Variants in PPP1R12B observed in about 807,000 individuals in gnomAD.
PPP1R12B encodes protein phosphatase 1 regulatory subunit 12B, also known as myosin phosphatase target subunit 2.
Under a neutral mutation model 126.1 loss-of-function variants are expected in PPP1R12B, and 76 were observed. The observed-to-expected ratio is 0.60, with a 90% CI of 0.50 to 0.73. PPP1R12B has a LOEUF of 0.73. PPP1R12B is among the 30% of genes least tolerant of loss of function. The pLI, the probability that PPP1R12B is intolerant of heterozygous loss-of-function variation, is 0.00. For synonymous variants in PPP1R12B, 356 were observed against 434.7 expected (o/e 0.82, Z 2.25); for missense variants, 1,052 against 1,205.1 (o/e 0.87, Z 1.88).
rs1203605064 is a variant in PPP1R12B at position 202,363,779 on chromosome 1, G to C, written c.291+14637G>C. Among the ~76,000 whole-genome samples the C allele has an allele frequency of 4.4e-4, 67 of 152,144 alleles. 1 individual carries two copies. The highest frequency in any genetic ancestry group is 4.4e-3 in the Admixed American group (67 of 15,256). On this transcript the variant is annotated intron_variant, in intron 1 of 23. Coordinates refer to ENST00000608999, the MANE Select transcript of PPP1R12B (RefSeq NM_002481.4). ...TTATTTTATTCTATTTATTTATTTA[G>C]AGACAGAGTCTCCTGTTTGTTGCCC...
intron 1 of PPP1R12B, among the ~76,000 whole-genome samples, chr1:202,376,324 G>A (rs1046708979): frequency 3.3e-5 from 5 of 152,136 alleles, no homozygotes; most frequent in Non-Finnish European, 5.9e-5. Flanking sequence ...TAGAAGGAGA[G>A]CATAAACCAG....
intron 13 of PPP1R12B, among the ~76,000 whole-genome samples, chr1:202,467,557 T>G (rs1349159720): frequency 6.6e-6 from 1 of 152,200 alleles, no homozygotes; most frequent in East Asian, 1.9e-4. Flanking sequence ...CATGAACTCA[T>G]CCTTTTTATG....
intron 19 of PPP1R12B, among the ~76,000 whole-genome samples, chr1:202,562,108 T>C (rs1349077976): frequency 2.0e-5 from 3 of 152,200 alleles, no homozygotes; most frequent in African/African-American, 7.2e-5. Flanking sequence ...CTTCCCTTAA[T>C]GAACTTACCA....
At chr1:202,498,319 T>G (rs1679818956) in intron 18 of PPP1R12B, among the ~76,000 whole-genome samples, 2 of 152,234 alleles carry the variant, frequency 1.3e-5, no homozygotes. Flanking sequence ...GTGTTTACCA[T>G]GTGTCAGGAA....
At chr1:202,362,529 G>A (rs1036082300) in intron 1 of PPP1R12B, among the ~76,000 whole-genome samples, 1 of 152,128 alleles carries the variant, frequency 6.6e-6, no homozygotes, top group African/African-American at 2.4e-5. Context: ...GTGCTTAACA[G>A]GTATTTTTTA....
intron 1 of PPP1R12B, among the ~76,000 whole-genome samples, chr1:202,359,198 G>A (rs1657680504): frequency 6.6e-6 from 1 of 151,718 alleles, no homozygotes. Flanking sequence ...AGGCTGGAGT[G>A]CAGTGGTGCG....
At chr1:202,409,131 G>A (rs1431417488) in intron 1 of PPP1R12B, among the ~76,000 whole-genome samples, 6 of 151,832 alleles carry the variant, frequency 4.0e-5, no homozygotes, top group Non-Finnish European at 7.4e-5. Context: ...GAGCCATTAC[G>A]ACCAGCATCA....
At chr1:202,487,809 T>TGTTGGTCAG (rs1678351696) in intron 13 of PPP1R12B, among the ~76,000 whole-genome samples, 2 of 152,138 alleles carry the variant, frequency 1.3e-5, no homozygotes, top group Admixed American at 1.3e-4. Flanking sequence ...GGTTCCAGCA[T>TGTTGGTCAG]GTTGGTCAGG....
intron 18 of PPP1R12B, among the ~76,000 whole-genome samples, chr1:202,499,360 T>C (rs932718217): frequency 6.6e-6 from 1 of 152,128 alleles, no homozygotes; most frequent in African/African-American, 2.4e-5. Flanking sequence ...GCTCAAGTGA[T>C]CCTACTACCT....
At chr1:202,433,442 C>T (rs572597879) in intron 8 of PPP1R12B, among the ~76,000 whole-genome samples, 94 of 152,274 alleles carry the variant, frequency 6.2e-4, no homozygotes, top group African/African-American at 2.0e-3. Context: ...CTGTTTAAAC[C>T]TATGACCACC....
At chr1:202,572,844 G>A (rs1225899084) in intron 23 of PPP1R12B, among the ~76,000 whole-genome samples, 1 of 152,042 alleles carries the variant, frequency 6.6e-6, no homozygotes, top group African/African-American at 2.4e-5. Flanking sequence ...CCCATCCTGC[G>A]CTGGGCCCTG....
chr1:202,493,019 G>C (rs1435635467), intron 14 of PPP1R12B, 95 bp from the exon 15 acceptor site: 3 of 1,329,862 alleles, frequency 2.3e-6, no homozygotes, highest in Admixed American at 2.1e-5. Flanking sequence ...TTTGGGATTT[G>C]ATAACTATTA....
intron 1 of PPP1R12B, among the ~76,000 whole-genome samples, chr1:202,397,370 A>G (rs1665140911): frequency 6.6e-6 from 1 of 152,130 alleles, no homozygotes; most frequent in African/African-American, 2.4e-5. Flanking sequence ...TGGTTATACC[A>G]CCTTTACTCA....
At chr1:202,433,799 G>A (rs1206697451) in intron 8 of PPP1R12B, among the ~76,000 whole-genome samples, 1 of 152,100 alleles carries the variant, frequency 6.6e-6, no homozygotes, top group Non-Finnish European at 1.5e-5. Flanking sequence ...TCTACCCCAC[G>A]ACTGTTCTCT....
chr1:202,430,923 C>T (rs1670112785), intron 7 of PPP1R12B, 113 bp downstream of exon 7: 2 of 1,407,278 alleles, frequency 1.4e-6, no homozygotes, highest in South Asian at 3.4e-5. Flanking sequence ...GCCGAGTGAT[C>T]TATAAACTTG....
At chr1:202,427,236 T>C (rs748242609) in intron 5 of PPP1R12B, 52 bp downstream of exon 5, 18 of 1,605,354 alleles carry the variant, frequency 1.1e-5, no homozygotes, top group Non-Finnish European at 1.4e-5. Context: ...GCTGGGTCTC[T>C]AGAATAAAAG....
Position 202,431,635 on chromosome 1 carries a change from T to G in PPP1R12B, c.1141+16T>G. 1.9e-6 allele frequency: 3 copies of G among 1,598,158 alleles called. No homozygotes were observed. Among genetic ancestry groups the G allele is most frequent in the Non-Finnish European group, 2.6e-6 (3 of 1,174,144 alleles). On this transcript the variant is annotated intron_variant, in intron 8 of 23. Transcript: ENST00000608999. ...AAGGAGGCAGGTAATGCAAAGATGT[T>G]CATAGTGAAGATCCTCTATCTCCAT...
At chr1:202,522,193 G>A (rs1457399812) in intron 18 of PPP1R12B, among the ~76,000 whole-genome samples, 1 of 152,122 alleles carries the variant, frequency 6.6e-6, no homozygotes, top group East Asian at 1.9e-4. Context: ...ACTAAAGGAT[G>A]TTCTTCAGTA....
At chr1:202,384,280 C>T (rs1662787335) in intron 1 of PPP1R12B, among the ~76,000 whole-genome samples, 1 of 152,124 alleles carries the variant, frequency 6.6e-6, no homozygotes. Context: ...TTCACAATAA[C>T]CAAAAGGTGG....
Sources: allele counts gnomAD v4.1 joint callset (sites outside exome capture counted in the v4.1 genomes callset), GRCh38; gene constraint gnomAD v4.1.1; transcripts MANE v1.5; gene names NCBI Gene and HGNC (gene_info 2026-07-23, HGNC 2026-07-21).